SLC12A7: variants seen among roughly 807,000 people sequenced by gnomAD.
SLC12A7 encodes solute carrier family 12 member 7, also known as K-Cl cotransporter 4.
In SLC12A7, 100 loss-of-function variants were observed where a neutral mutation model predicts 120.6. The ratio of observed to expected loss-of-function variants is 0.83; its 90% CI spans 0.71 to 0.98. The LOEUF is 0.98. Among genes scored for constraint, SLC12A7 ranks in the 50% least tolerant of loss-of-function variants. The probability of loss-of-function intolerance (pLI) is 0.00; values close to 1 mark genes in which losing one functional copy is unlikely to be tolerated. For synonymous variants in SLC12A7, 760 were observed against 678.0 expected (o/e 1.12, Z -1.88); for missense variants, 1,373 against 1,548.1 (o/e 0.89, Z 1.90).
the SLC12A7 span, among the ~76,000 whole-genome samples, chr5:1,118,142 G>A: frequency 6.6e-6 from 1 of 152,140 alleles, no homozygotes; most frequent in African/African-American, 2.4e-5. Context: ...ATAAAACTCC[G>A]GTCTCCCACA....
intron 12 of SLC12A7, among the ~76,000 whole-genome samples, 187 bp from the exon 13 acceptor site, chr5:1,076,999 A>G (rs1561062751): frequency 6.6e-6 from 1 of 152,126 alleles, no homozygotes; most frequent in Non-Finnish European, 1.5e-5. Flanking sequence ...GCTGCAGCCC[A>G]GGAGGCTTCA....
At chr5:1,126,879 C>T in the SLC12A7 span, among the ~76,000 whole-genome samples, 2 of 152,218 alleles carry the variant, frequency 1.3e-5, no homozygotes, top group Non-Finnish European at 2.9e-5. Context: ...TTGAGCTGGG[C>T]TTCCCCAGAA....
the SLC12A7 span, among the ~76,000 whole-genome samples, chr5:1,119,580 G>A: frequency 3.3e-5 from 5 of 152,254 alleles, no homozygotes; most frequent in Non-Finnish European, 5.9e-5. Flanking sequence ...GGGCGGTGAG[G>A]TTCAGCCCTG....
intron 3 of SLC12A7, among the ~76,000 whole-genome samples, chr5:1,091,094 G>A (rs192381764): frequency 3.3e-5 from 5 of 152,216 alleles, no homozygotes; most frequent in African/African-American, 9.6e-5. Context: ...GTCCCTCCAC[G>A]ACTGAAACGC....
Position 1,053,439 on chromosome 5 carries a change from T to A in SLC12A7, c.3070A>T (p.Asn1024Tyr). 1 of 1,613,862 alleles carries A rather than the reference T, an allele frequency of 6.2e-7. No homozygotes were observed. The highest frequency in any genetic ancestry group is 1.1e-5 in the South Asian group (1 of 91,082). Residue 1024 changes from asparagine to tyrosine, a missense_variant, in exon 23 of 24, where the codon AAT (asparagine) becomes TAT (tyrosine). Coordinates refer to ENST00000264930, the MANE Select transcript of SLC12A7 (RefSeq NM_006598.3). ...TGGGACTTGTTGAGGACGACGCCAT[T>A]GAGCTTCACAGCCGTGTGCATCCGC... Reference protein sequence around the residue: ...VRRMHTAVKLNGVVLNKSQDA... With the variant: ...VRRMHTAVKLYGVVLNKSQDA...
At chr5:1,088,786 C>T (rs941547160) in intron 4 of SLC12A7, among the ~76,000 whole-genome samples, 196 bp downstream of exon 4, 9 of 152,220 alleles carry the variant, frequency 5.9e-5, no homozygotes, top group Non-Finnish European at 8.8e-5. Flanking sequence ...ATCTCATCCC[C>T]GCAGCTGCCC....
intron 4 of SLC12A7, among the ~76,000 whole-genome samples, 185 bp downstream of exon 4, chr5:1,088,797 G>C (rs537389265): frequency 5.3e-5 from 8 of 152,218 alleles, no homozygotes; most frequent in African/African-American, 1.9e-4. Flanking sequence ...GCAGCTGCCC[G>C]GCTCTCGTGG....
chr5:1,055,197 C>T (rs1266348634), intron 22 of SLC12A7, among the ~76,000 whole-genome samples: 1 of 152,234 alleles, frequency 6.6e-6, no homozygotes, highest in Non-Finnish European at 1.5e-5. Context: ...CACACTAATA[C>T]ACAAGTGCAT....
At chr5:1,114,967 G>T (rs566754766), upstream of SLC12A7, among the ~76,000 whole-genome samples, 20 of 152,346 alleles carry the variant, frequency 1.3e-4, 1 homozygote, top group Middle Eastern at 0.01. Context: ...GGCAGGGCAA[G>T]GGTGCCTCTC....
At chr5:1,087,457 G>A (rs1442501337) in intron 5 of SLC12A7, among the ~76,000 whole-genome samples, 5 of 152,278 alleles carry the variant, frequency 3.3e-5, no homozygotes, top group Non-Finnish European at 5.9e-5. Context: ...TATCACTGGC[G>A]GGAAAGCCGG....
chr5:1,050,488 A>AGTT lies in SLC12A7; in HGVS notation c.*1869_*1871dup, dbSNP rs1734931642. The AGTT allele has an allele frequency of 4.8e-6, 1 of 208,406 alleles. No homozygotes were observed. Among genetic ancestry groups the AGTT allele is most frequent in the Non-Finnish European group, 9.5e-6 (1 of 105,532 alleles). 12.9% of individuals were successfully genotyped at this position (208,406 alleles called of 1,614,324 possible). On this transcript the variant is annotated 3_prime_UTR_variant, in exon 24 of 24. Transcript: ENST00000264930. ...ATGGCTGTAGTTACTGGTTACACGGAGTTGACAACACAAAGGATGCCTGGT... is the reference window on the plus strand; with the variant it reads ...ATGGCTGTAGTTACTGGTTACACGGAGTTGTTGACAACACAAAGGATGCCTGGT...
the SLC12A7 span, among the ~76,000 whole-genome samples, chr5:1,118,054 G>A: frequency 2.0e-5 from 3 of 152,080 alleles, no homozygotes; most frequent in African/African-American, 7.2e-5. Context: ...CCAGCCTGGG[G>A]GATAGAGTGA....
chr5:1,107,134 TTCTC>T, intron 1 of SLC12A7, among the ~76,000 whole-genome samples: 1 of 152,304 alleles, frequency 6.6e-6, no homozygotes. Flanking sequence ...TCCCTCTTCT[TTCTC>T]TTTCTTTCTT....
intron 15 of SLC12A7, among the ~76,000 whole-genome samples, 182 bp downstream of exon 15, chr5:1,075,189 A>G (rs1246005517): frequency 1.3e-5 from 2 of 152,194 alleles, no homozygotes; most frequent in African/African-American, 2.4e-5. Context: ...CCTGGCTGGA[A>G]GTGGGAGGGA....
At chr5:1,063,616 CCCACCT>C (rs1003829222) in intron 20 of SLC12A7, among the ~76,000 whole-genome samples, 5 of 150,430 alleles carry the variant, frequency 3.3e-5, no homozygotes, top group East Asian at 2.0e-4. Flanking sequence ...CCTTCTCCTC[CCCACCT>C]CCACCTCCAC....
intron 17 of SLC12A7, among the ~76,000 whole-genome samples, chr5:1,069,703 T>C (rs1278097589): frequency 6.6e-6 from 1 of 152,070 alleles, no homozygotes; most frequent in East Asian, 1.9e-4. Context: ...TAGCAAGAAA[T>C]ACAGAAGTAA....
chr5:1,124,261 C>T, the SLC12A7 span, among the ~76,000 whole-genome samples: 1 of 152,286 alleles, frequency 6.6e-6, no homozygotes, highest in African/African-American at 2.4e-5. Flanking sequence ...TTTCAAAGAC[C>T]ACCTAATCCC....
rs73731151 is a variant in SLC12A7 at position 1,069,398 on chromosome 5, C to T, written c.2242-3920G>A. On this transcript the variant is annotated intron_variant, in intron 17 of 23. Transcript: ENST00000264930. Reference sequence around the variant, plus strand: ...GCTGTGGTTGTGCAGAGAAACGGACCGGGGAGGCGGTGGGGGGCGGCTGCA... The same window carrying T: ...GCTGTGGTTGTGCAGAGAAACGGACTGGGGAGGCGGTGGGGGGCGGCTGCA... Among the ~76,000 whole-genome samples, 40 of 152,272 alleles carry T rather than the reference C, an allele frequency of 2.6e-4. 1 individual carries two copies. Among genetic ancestry groups the T allele is most frequent in the Admixed American group, 7.2e-4 (11 of 15,304 alleles).
chr5:1,057,490 CT>C lies in SLC12A7; in HGVS notation c.3006del (p.Asp1003ThrfsTer5). The stretch of plus-strand genomic sequence containing the variant: ...ACTCACGGCTTCATGCTGAAGAGGT[CT>C]TTGAAACCAGATAGGCTGGTGTCTC... Reference protein sequence around the residue: ...RSRDTSLSGFKDLFSMKPDQS... With the variant: ...RSRDTSLSGFXDLFSMKPDQS... On this transcript the variant is annotated frameshift_variant, in exon 22 of 24. Coordinates refer to ENST00000264930, the MANE Select transcript of SLC12A7 (RefSeq NM_006598.3). LOFTEE classifies it high-confidence loss of function. 1 of 1,612,590 alleles carries C rather than the reference CT, an allele frequency of 6.2e-7. No individual in the cohort carries two copies.
Sources: gnomAD v4.1 joint callset for allele counts (sites outside exome capture counted in the v4.1 genomes callset) on GRCh38, gnomAD v4.1.1 for gene constraint, MANE v1.5 for transcripts, NCBI Gene and HGNC (gene_info 2026-07-23, HGNC 2026-07-21) for gene names.